The following UBR3 variants were observed in gnomAD, a reference collection of about 807,000 sequenced individuals.
UBR3 encodes the protein E3 ubiquitin-protein ligase UBR3.
Under a neutral mutation model 243.2 loss-of-function variants are expected in UBR3, and 85 were observed. That is an observed-to-expected ratio of 0.35 (90% confidence interval 0.29 to 0.42). The LOEUF (loss-of-function observed/expected upper bound fraction) is 0.42. Among genes scored for constraint, UBR3 ranks in the 10% least tolerant of loss-of-function variants. UBR3 has a pLI of 1.00. For missense variants in UBR3, 1,686 were observed against 2,300.8 expected, an observed-to-expected ratio of 0.73 and a Z score of 5.47; for synonymous variants, 748 against 799.8, an observed-to-expected ratio of 0.94 and a Z score of 1.09.
chr2:169,942,270 T>A (rs1280477718), intron 19 of UBR3, among the ~76,000 whole-genome samples: 5 of 152,232 alleles, frequency 3.3e-5, no homozygotes, highest in South Asian at 4.1e-4. Flanking sequence ...ATATATTTTT[T>A]AATTTTCAGC....
At chr2:170,033,463 G>T (rs1335017291) in intron 31 of UBR3, among the ~76,000 whole-genome samples, 1 of 151,290 alleles carries the variant, frequency 6.6e-6, no homozygotes, top group Non-Finnish European at 1.5e-5. Flanking sequence ...ACGGAGCTGA[G>T]ATTTTAATCC....
chr2:169,877,211 G>A (rs1009237477), intron 3 of UBR3, among the ~76,000 whole-genome samples: 6 of 152,026 alleles, frequency 3.9e-5, no homozygotes, highest in African/African-American at 7.3e-5. Context: ...TTTAAAGTTC[G>A]GATCATGTCT....
chr2:170,079,718 G>T (rs988794233), intron 36 of UBR3, 96 bp from the exon 37 acceptor site: 10 of 1,098,440 alleles, frequency 9.1e-6, no homozygotes, highest in African/African-American at 1.6e-5. Flanking sequence ...ATTCTTGGAG[G>T]CAGATTTTTC....
rs2084968194 is a variant in UBR3, at chr2:169,905,134, G to A, written c.1486G>A (p.Val496Met). The change falls in exon 9 of 39, where the codon GTG becomes ATG. Residue 496 changes from valine to methionine, a missense_variant. Transcript: ENST00000272793. ...TTTAGATGAAGAAAATAGTTTACAT[G>A]TGGTAGTGAACTGTGGAGAAGCATT... ...ELQDEENSLH[V>M]VVNCGEALLK... 6.7e-7 allele frequency: 1 copy of A among 1,486,636 alleles called. No homozygotes were observed. Among genetic ancestry groups the A allele is most frequent in the Non-Finnish European group, 8.9e-7 (1 of 1,119,320 alleles). 92.1% of individuals were successfully genotyped at this position (1,486,636 alleles called of 1,614,324 possible). A position where few individuals can be genotyped will look rare whatever the true frequency, so the allele number is the denominator to read the frequency against.
At chr2:169,960,078 C>T (rs990603939) in intron 24 of UBR3, among the ~76,000 whole-genome samples, 13 of 151,560 alleles carry the variant, frequency 8.6e-5, no homozygotes, top group Non-Finnish European at 1.2e-4. Context: ...TGGTGAAACC[C>T]GTCTCTACTA....
intron 21 of UBR3, among the ~76,000 whole-genome samples, chr2:169,946,937 C>A (rs1406319537): frequency 6.6e-6 from 1 of 152,056 alleles, no homozygotes. Context: ...TACTTTGTTT[C>A]AGGACTTTAG....
At chr2:170,005,498 G>A (rs2089882622) in intron 27 of UBR3, among the ~76,000 whole-genome samples, 1 of 152,218 alleles carries the variant, frequency 6.6e-6, no homozygotes, top group Admixed American at 6.5e-5. Context: ...GTTGCCATGA[G>A]TTTTTGAAGT....
chr2:169,942,613 G>A lies in UBR3; in HGVS notation c.2784G>A (p.Val928=), dbSNP rs1449564224. 6.5e-7 allele frequency: 1 copy of A among 1,546,460 alleles called. No homozygotes were observed. The highest frequency in any genetic ancestry group is 8.7e-7 in the Non-Finnish European group (1 of 1,145,688). ...RLLHCKTLHI[V]LFTLLYKILM... is the part of the protein sequence containing the mutation. ...TGCACTGTAAAACTTTACACATTGT[G>A]CTATTCACTCTGCTTTACAAGGTAC... The change falls in exon 20 of 39, where the codon GTG becomes GTA. Residue 928 remains valine (V), a synonymous_variant. Coordinates refer to ENST00000272793, the MANE Select transcript of UBR3 (RefSeq NM_172070.4).
chr2:169,956,563 ATTG>A (rs927902458), intron 23 of UBR3, among the ~76,000 whole-genome samples: 3 of 152,140 alleles, frequency 2.0e-5, no homozygotes, highest in Admixed American at 6.6e-5. Context: ...GTATAAAAGA[ATTG>A]TTGTTATAAA....
intron 11 of UBR3, among the ~76,000 whole-genome samples, chr2:169,914,865 TGTGTGTG>T (rs762896829): frequency 6.8e-5 from 10 of 146,682 alleles, no homozygotes; most frequent in East Asian, 3.9e-4. Context: ...TGTGTGTGTG[TGTGTGTG>T]TTTTTTTTCC....
intron 19 of UBR3, among the ~76,000 whole-genome samples, chr2:169,937,454 A>G (rs927353182): frequency 3.3e-5 from 5 of 152,058 alleles, no homozygotes; most frequent in African/African-American, 1.2e-4. Flanking sequence ...CCATTCTGTA[A>G]GTTGCCTGTT....
intron 8 of UBR3, among the ~76,000 whole-genome samples, chr2:169,898,503 G>A (rs1254023230): frequency 6.7e-6 from 1 of 148,506 alleles, no homozygotes; most frequent in Admixed American, 6.9e-5. Flanking sequence ...TGAGGCATAG[G>A]GAGTTGAAGT....
chr2:169,947,615 A>G lies in UBR3; in HGVS notation c.2984A>G (p.His995Arg), dbSNP rs1287103768. The change falls in exon 22 of 39, where the codon CAC becomes CGC. Residue 995 changes from histidine to arginine, a missense_variant. By Grantham distance (29) the His-to-Arg change is conservative. Coordinates refer to ENST00000272793, the MANE Select transcript of UBR3 (RefSeq NM_172070.4). ...AGTAACTTAGTGTCAAACATGCGAC[A>G]CTTTATAAACTATGTTAGAGTAAGA... Reference protein sequence around the residue: ...PGSNLVSNMRHFINYVRVRVP... With the variant: ...PGSNLVSNMRRFINYVRVRVP... 3.2e-6 allele frequency: 5 copies of G among 1,538,530 alleles called. No homozygotes were observed. Among genetic ancestry groups the G allele is most frequent in the Non-Finnish European group, 4.4e-6 (5 of 1,140,714 alleles).
intron 23 of UBR3, among the ~76,000 whole-genome samples, chr2:169,955,396 A>G (rs1292446299): frequency 6.6e-6 from 1 of 152,090 alleles, no homozygotes; most frequent in Admixed American, 6.6e-5. Flanking sequence ...TGCTCAAATT[A>G]TTACAGATTT....
intron 24 of UBR3, among the ~76,000 whole-genome samples, chr2:169,979,261 G>A: frequency 6.6e-6 from 1 of 152,128 alleles, no homozygotes; most frequent in East Asian, 1.9e-4. Context: ...AATTTTTTGT[G>A]AGAATACAGA....
chr2:169,835,994 TCTCTC>T (rs2082074869), intron 1 of UBR3, among the ~76,000 whole-genome samples: 1 of 5,992 alleles, frequency 1.7e-4, no homozygotes, highest in Non-Finnish European at 3.0e-4. Flanking sequence ...GTGTGCACTG[TCTCTC>T]TCTCTCTCTC....
At chr2:170,008,614 A>G (rs2089992261) in intron 28 of UBR3, among the ~76,000 whole-genome samples, 190 bp from the exon 29 acceptor site, 2 of 152,248 alleles carry the variant, frequency 1.3e-5, no homozygotes, top group East Asian at 1.9e-4. Flanking sequence ...AGAATAAAAG[A>G]TCACTGTTTA....
At position 169,947,570 on chromosome 2, in the gene UBR3, A is replaced by G. The variant is rs760513310; in HGVS notation, c.2939A>G (p.His980Arg). The change falls in exon 22 of 39, where the codon CAT (histidine) becomes CGT (arginine). Residue 980 changes from histidine to arginine, a missense_variant. This residue lies in a region of UBR3 where 300 missense variants were observed against 314.4 expected (regional missense o/e 0.95). Coordinates refer to ENST00000272793, the MANE Select transcript of UBR3 (RefSeq NM_172070.4). ...EASVGGPERC[H>R]DSWFPGSNLV... ...TCAGTGGGTGGACCAGAACGTTGTC[A>G]TGACAGTTGGTTTCCTGGCAGTAAC... The G allele has an allele frequency of 2.0e-6, 3 of 1,518,274 alleles. No homozygotes were observed. The highest frequency in any genetic ancestry group is 2.6e-6 in the Non-Finnish European group (3 of 1,132,882). The allele number at this position is 1,518,274 out of a possible 1,614,324, so 94.1% of individuals were successfully genotyped here. A position where few individuals can be genotyped will look rare whatever the true frequency, so the allele number is the denominator to read the frequency against.
intron 8 of UBR3, among the ~76,000 whole-genome samples, chr2:169,898,747 G>A (rs922211864): frequency 6.8e-6 from 1 of 147,130 alleles, no homozygotes; most frequent in African/African-American, 2.6e-5. Context: ...TGTCGCCCAG[G>A]CTGGGGTGCA....
Sources: allele counts gnomAD v4.1 joint callset (sites outside exome capture counted in the v4.1 genomes callset), GRCh38; gene constraint gnomAD v4.1.1; regional missense constraint gnomAD v4.1.1; transcripts MANE v1.5; gene names NCBI Gene and HGNC (gene_info 2026-07-23, HGNC 2026-07-21).